Variants in ZMYND8 observed in about 807,000 individuals in gnomAD.
ZMYND8 encodes MYND-type zinc finger-containing chromatin reader ZMYND8.
In ZMYND8, 37 loss-of-function variants were observed where a neutral mutation model predicts 140.8. That is an observed-to-expected ratio of 0.26 (90% CI 0.20 to 0.35). The LOEUF (loss-of-function observed/expected upper bound fraction) is 0.35, where lower values mean the gene tolerates loss of function less well. Among genes scored for constraint, ZMYND8 ranks in the 10% least tolerant of loss-of-function variants. ZMYND8 has a pLI of 1.00. For synonymous variants in ZMYND8, 592 were observed against 597.1 expected, an observed-to-expected ratio of 0.99 and a Z score of 0.12; for missense variants, 1,068 against 1,570.0, an observed-to-expected ratio of 0.68 and a Z score of 5.40.
At chr20:47,311,499 G>A (rs948242630) in intron 2 of ZMYND8, among the ~76,000 whole-genome samples, 3 of 151,938 alleles carry the variant, frequency 2.0e-5, no homozygotes, top group Admixed American at 6.6e-5. Flanking sequence ...GTTTGCAGAC[G>A]TCTGTTTCAA....
intron 2 of ZMYND8, among the ~76,000 whole-genome samples, chr20:47,317,043 AC>A (rs2079461119): frequency 6.6e-6 from 1 of 152,138 alleles, no homozygotes; most frequent in Admixed American, 6.6e-5. Flanking sequence ...ATGGCCTTGT[AC>A]CAGGAGGGCC....
chr20:47,255,561 A>AGTGTGT (rs141205253), intron 12 of ZMYND8, among the ~76,000 whole-genome samples: 2 of 120,064 alleles, frequency 1.7e-5, no homozygotes, highest in Non-Finnish European at 3.3e-5. Flanking sequence ...ACATATACTC[A>AGTGTGT]GTGTGTGTGT....
In ZMYND8 at chr20:47,298,895, T is replaced by C. The variant is rs2077816568; in HGVS notation, c.287A>G (p.Asp96Gly). Residue 96 changes from aspartate to glycine, a missense_variant, in exon 4 of 23, where the codon GAC (aspartate) becomes GGC (glycine). Asp to Gly is a moderately conservative substitution (Grantham distance 94). Around this residue, in one of 10 missense-constraint regions of ZMYND8, gnomAD observed 109 missense variants for 314.9 expected, o/e 0.35. Coordinates refer to ENST00000471951, the MANE Select transcript of ZMYND8 (RefSeq NM_001281775.3). This position sits in a 1 kb window ranked among gnomAD's most constrained non-coding sequence, Gnocchi z 5.0. ...ATCCTGCGGTACAACATCAACAGGGTCTGTGGTGAGTGGCTGCTTCATATA... is the reference window on the plus strand; with the variant it reads ...ATCCTGCGGTACAACATCAACAGGGCCTGTGGTGAGTGGCTGCTTCATATA... The part of the protein sequence containing the change: ...FYYMKQPLTT[D>G]PVDVVPQDGR... 1 of 1,613,958 alleles carries C rather than the reference T, an allele frequency of 6.2e-7. No homozygotes were observed. Among genetic ancestry groups the C allele is most frequent in the African/African-American group, 1.3e-5 (1 of 74,880 alleles).
Position 47,221,470 on chromosome 20 carries a change from A to G in ZMYND8, c.3261T>C (p.Thr1087=). The change falls in exon 20 of 23, where the codon ACT becomes ACC. Residue 1087 remains threonine, a synonymous_variant. Transcript: ENST00000471951. ...CAGCATCCGCTTCCTGCTGAGGAGCAGTAGCTGGGGACAAAGGAGAGAGAG... is the reference window on the plus strand; with the variant it reads ...CAGCATCCGCTTCCTGCTGAGGAGCGGTAGCTGGGGACAAAGGAGAGAGAG... ...EHMKSCTQSA[T]APQQEADAEV... 2 of 1,613,942 alleles carry G rather than the reference A, an allele frequency of 1.2e-6. No individual in the cohort carries two copies. Among genetic ancestry groups the G allele is most frequent in the Non-Finnish European group, 1.7e-6 (2 of 1,179,970 alleles).
At chr20:47,229,447 G>C (rs1321897173) in intron 17 of ZMYND8, among the ~76,000 whole-genome samples, 1 of 152,132 alleles carries the variant, frequency 6.6e-6, no homozygotes, top group Non-Finnish European at 1.5e-5. Flanking sequence ...GAAGCAAAAA[G>C]AACTGGTGTC....
At chr20:47,349,113 C>T (rs1386125571) in intron 1 of ZMYND8, 1 of 152,196 alleles carries the variant, frequency 6.6e-6, no homozygotes, top group East Asian at 1.9e-4. Context: ...AAAAAGACAG[C>T]CTCATGTCTC....
chr20:47,236,313 C>A lies in ZMYND8; in HGVS notation c.2856+13G>T. ...TGTCTGCCATCTCCACGGTAGCTCTCCCATCCACTCACTTTGCTAGTGTAC... is the reference window on the plus strand; with the variant it reads ...TGTCTGCCATCTCCACGGTAGCTCTACCATCCACTCACTTTGCTAGTGTAC... On this transcript the variant is annotated intron_variant, in intron 16 of 22. Coordinates refer to ENST00000471951, the MANE Select transcript of ZMYND8 (RefSeq NM_001281775.3). 1 of 1,614,134 alleles carries A rather than the reference C, an allele frequency of 6.2e-7. No individual in the cohort carries two copies. The highest frequency in any genetic ancestry group is 8.5e-7 in the Non-Finnish European group (1 of 1,179,998).
At chr20:47,351,745 T>C (rs2082800852) in intron 1 of ZMYND8, 1 of 985,446 alleles carries the variant, frequency 1.0e-6, no homozygotes. Flanking sequence ...CTAAGCTATT[T>C]ATGCAGGATT....
At chr20:47,311,481 A>G (rs2078927705) in intron 2 of ZMYND8, among the ~76,000 whole-genome samples, 2 of 152,002 alleles carry the variant, frequency 1.3e-5, no homozygotes, top group Admixed American at 6.6e-5. Context: ...TGGTAAAACC[A>G]GTCCTCTGTT....
chr20:47,338,988 T>G (rs1018820899), intron 2 of ZMYND8, among the ~76,000 whole-genome samples: 25 of 149,620 alleles, frequency 1.7e-4, no homozygotes, highest in Non-Finnish European at 3.4e-4. Context: ...TTTTTTTTTT[T>G]GTGAGACAGA....
intron 2 of ZMYND8, among the ~76,000 whole-genome samples, chr20:47,347,206 A>G (rs889197601): frequency 1.3e-5 from 2 of 152,230 alleles, no homozygotes; most frequent in Non-Finnish European, 2.9e-5. Flanking sequence ...AGCACCCTGA[A>G]GGTAAAAGTG....
intron 1 of ZMYND8, among the ~76,000 whole-genome samples, chr20:47,351,239 G>A (rs982943432): frequency 2.0e-5 from 3 of 152,142 alleles, no homozygotes; most frequent in Non-Finnish European, 2.9e-5. Flanking sequence ...TGAGGACTCA[G>A]GGATGGTCCG....
rs1555948705 is a variant in ZMYND8, at chr20:47,265,068, A to ATATATATATATATATATATATATATG, written c.1481-2641_1481-2640insCATATATATATATATATATATATATA. Among the ~76,000 whole-genome samples, 585 of 144,402 alleles carry ATATATATATATATATATATATATATG rather than the reference A, an allele frequency of 4.1e-3. 7 individuals are homozygous for ATATATATATATATATATATATATATG. Among genetic ancestry groups the ATATATATATATATATATATATATATG allele is most frequent in the Non-Finnish European group, 6.0e-3 (389 of 65,336 alleles). 94.7% of individuals were successfully genotyped at this position (144,402 alleles called of 152,430 possible). The stretch of plus-strand genomic sequence containing the variant: ...AATATATATACATATATATATATAT[A>ATATATATATATATATATATATATATG]GGCATTTTAACGGAAGTATTACCAA... On this transcript the variant is annotated intron_variant, in intron 11 of 22. Coordinates refer to ENST00000471951, the MANE Select transcript of ZMYND8 (RefSeq NM_001281775.3).
chr20:47,306,812 G>A (rs112958945), intron 3 of ZMYND8, among the ~76,000 whole-genome samples: 4 of 152,240 alleles, frequency 2.6e-5, no homozygotes, highest in African/African-American at 9.6e-5. Flanking sequence ...AAAAGAAGAC[G>A]ACAGTGGAGA....
chr20:47,248,263 A>G (rs1326681912), intron 13 of ZMYND8, among the ~76,000 whole-genome samples: 1 of 152,264 alleles, frequency 6.6e-6, no homozygotes, highest in Non-Finnish European at 1.5e-5. Flanking sequence ...AATGGAAATA[A>G]TAAAATTCTT....
At chr20:47,349,808 A>T in intron 1 of ZMYND8, 1 of 1,533,236 alleles carries the variant, frequency 6.5e-7, no homozygotes, top group Non-Finnish European at 8.7e-7. Context: ...TCCAACTGAA[A>T]TCTACAGTGG....
chr20:47,250,809 G>C (rs2074108543), intron 12 of ZMYND8, among the ~76,000 whole-genome samples: 1 of 152,180 alleles, frequency 6.6e-6, no homozygotes, highest in Non-Finnish European at 1.5e-5. Context: ...ACTCACAGGT[G>C]ACCAGAAGCA....
rs115657744 is a variant in ZMYND8, at chr20:47,343,536, C to T, written c.85+4320G>A. Reference sequence around the variant, plus strand: ...GAATTCTAAATTTTTTTTTTTGAGACACAGTGTCACTGTCACCCAGGCTGG... The same window carrying T: ...GAATTCTAAATTTTTTTTTTTGAGATACAGTGTCACTGTCACCCAGGCTGG... On this transcript the variant is annotated intron_variant, in intron 2 of 22. Coordinates refer to ENST00000471951, the MANE Select transcript of ZMYND8 (RefSeq NM_001281775.3). Among the ~76,000 whole-genome samples the T allele has an allele frequency of 4.4e-3, 666 of 151,812 alleles. 5 individuals are homozygous for T. The highest frequency in any genetic ancestry group is 0.015 in the African/African-American group (638 of 41,408).
intron 12 of ZMYND8, among the ~76,000 whole-genome samples, chr20:47,251,237 G>T (rs757899926): frequency 4.1e-4 from 63 of 152,268 alleles, no homozygotes; most frequent in Middle Eastern, 3.4e-3. Context: ...CAGGCTACTA[G>T]AGACAGGACT....
Sources: gnomAD v4.1 joint callset for allele counts (sites outside exome capture counted in the v4.1 genomes callset) on GRCh38, gnomAD v4.1.1 for gene constraint, gnomAD v4.1.1 regional missense constraint, Gnocchi (gnomAD v3.1) non-coding constraint, MANE v1.5 for transcripts, NCBI Gene and HGNC (gene_info 2026-07-23, HGNC 2026-07-21) for gene names.